ARIH1: variants seen among roughly 807,000 people sequenced by gnomAD.
ARIH1 encodes E3 ubiquitin-protein ligase ARIH1.
A neutral mutation model predicts 85.0 loss-of-function variants in ARIH1; 8 were observed. The ratio of observed to expected loss-of-function variants is 0.09; its 90% CI spans 0.06 to 0.17. ARIH1 has a LOEUF of 0.17. Ranked by LOEUF, ARIH1 falls within the 10% of genes least tolerant of loss-of-function variation. The probability of loss-of-function intolerance (pLI) is 1.00; values close to 1 mark genes in which losing one functional copy is unlikely to be tolerated. For missense variants in ARIH1, 311 were observed against 718.1 expected, an observed-to-expected ratio of 0.43 and a Z score of 6.48; for synonymous variants, 238 against 253.6, an observed-to-expected ratio of 0.94 and a Z score of 0.59.
chr15:72,601,179 G>A lies in ARIH1; in HGVS notation c.*17887G>A, dbSNP rs2064381019. 6.6e-6 allele frequency: 1 copy of A among 152,116 alleles called. No homozygotes were observed. Among genetic ancestry groups the A allele is most frequent in the South Asian group, 2.1e-4 (1 of 4,820 alleles). 9.4% of individuals were successfully genotyped at this position (152,116 alleles called of 1,614,324 possible). A position where few individuals can be genotyped will look rare whatever the true frequency, so the allele number is the denominator to read the frequency against. On this transcript the variant is annotated 3_prime_UTR_variant, in exon 14 of 14. Transcript: ENST00000379887. ...CTCCTTTGCCATCACACTAGTCCAAGTGAAGTGTTTCATCATCTCATTTGC... is the reference window on the plus strand; with the variant it reads ...CTCCTTTGCCATCACACTAGTCCAAATGAAGTGTTTCATCATCTCATTTGC...
Position 72,601,016 on chromosome 15 carries a change from C to A in ARIH1, c.*17724C>A, listed in dbSNP as rs1274245734. 4 of 152,252 alleles carry A rather than the reference C, an allele frequency of 2.6e-5. No homozygotes were observed. Among genetic ancestry groups the A allele is most frequent in the Non-Finnish European group, 4.4e-5 (3 of 68,058 alleles). The allele number at this position is 152,252 out of a possible 1,614,324, so 9.4% of individuals were successfully genotyped here. Reference sequence around the variant, plus strand: ...TTCAGTAATTGGCTGTACCACTCATCCAGCAGCTTTCAAAGTAAGAAACCT... The same window carrying A: ...TTCAGTAATTGGCTGTACCACTCATACAGCAGCTTTCAAAGTAAGAAACCT... On this transcript the variant is annotated 3_prime_UTR_variant, in exon 14 of 14. Transcript: ENST00000379887.
At position 72,592,810 on chromosome 15, in the gene ARIH1, A is replaced by G. The variant is rs1385512612; in HGVS notation, c.*9518A>G. ...CCACAATTTGTTTATTCATTCTCCT[A>G]TTGAAGGACCTTTAGGTTGTTTCCA... On this transcript the variant is annotated 3_prime_UTR_variant, in exon 14 of 14. Coordinates refer to ENST00000379887, the MANE Select transcript of ARIH1 (RefSeq NM_005744.5). 1 of 152,174 alleles carries G rather than the reference A, an allele frequency of 6.6e-6. No individual in the cohort carries two copies. Among genetic ancestry groups the G allele is most frequent in the Non-Finnish European group, 1.5e-5 (1 of 68,028 alleles). The allele number at this position is 152,174 out of a possible 1,614,324, so 9.4% of individuals were successfully genotyped here.
chr15:72,489,879 C>T (rs2063852084), intron 1 of ARIH1, among the ~76,000 whole-genome samples: 1 of 152,116 alleles, frequency 6.6e-6, no homozygotes, highest in African/African-American at 2.4e-5. Flanking sequence ...GCTTTGCCCT[C>T]CAAAGCAACC....
intron 1 of ARIH1, among the ~76,000 whole-genome samples, chr15:72,475,784 T>C (rs2063792657): frequency 6.6e-6 from 1 of 152,228 alleles, no homozygotes; most frequent in South Asian, 2.1e-4. Context: ...GACTCTATTG[T>C]GAGTTAGAAA....
In ARIH1 at chr15:72,567,250, A is replaced by G. The variant is rs930387819; in HGVS notation, c.1026+73A>G. The G allele has an allele frequency of 3.5e-5, 42 of 1,185,350 alleles. No homozygotes were observed. The African/African-American group carries it at 3.9e-4, about 11-fold the overall frequency. The allele number at this position is 1,185,350 out of a possible 1,614,324, so 73.4% of individuals were successfully genotyped here. A position where few individuals can be genotyped will look rare whatever the true frequency, so the allele number is the denominator to read the frequency against. On this transcript the variant is annotated intron_variant, in intron 9 of 13. Transcript: ENST00000379887. The stretch of plus-strand genomic sequence containing the variant: ...TGGTACTTTGGCATTAGCAAAAGCA[A>G]TGAGGTGACCTACTTACAGGCTTTG...
intron 1 of ARIH1, among the ~76,000 whole-genome samples, chr15:72,498,433 T>G (rs373373040): frequency 1.3e-5 from 2 of 152,232 alleles, no homozygotes; most frequent in African/African-American, 4.8e-5. Context: ...CACTCATATT[T>G]GTGTCTTCTT....
In ARIH1 at chr15:72,585,367, A is replaced by G. The variant is rs899741429; in HGVS notation, c.*2075A>G. On this transcript the variant is annotated 3_prime_UTR_variant, in exon 14 of 14. Transcript: ENST00000379887. ...ATCCATATGACATTATTTTACTTCA[A>G]ATGACAGCATCAATCTTAAAAAGAT... is the stretch of plus-strand genomic sequence containing the variant. The G allele has an allele frequency of 4.6e-5, 7 of 152,044 alleles. No individual in the cohort carries two copies. Among genetic ancestry groups the G allele is most frequent in the Non-Finnish European group, 1.0e-4 (7 of 68,016 alleles). 9.4% of individuals were successfully genotyped at this position (152,044 alleles called of 1,614,324 possible).
rs561994996 is a variant in ARIH1, at chr15:72,499,917, C to T, written c.376-18150C>T. On this transcript the variant is annotated intron_variant, in intron 1 of 13. Transcript: ENST00000379887. Reference sequence around the variant, plus strand: ...AATTTAACTCTCACAACACTTTTTTCCCCCCTGCAACACTCTTAGGCTGTT... The same window carrying T: ...AATTTAACTCTCACAACACTTTTTTTCCCCCTGCAACACTCTTAGGCTGTT... Among the ~76,000 whole-genome samples, 17 of 152,048 alleles carry T rather than the reference C, an allele frequency of 1.1e-4. No homozygotes were observed. The East Asian group carries it at 3.1e-3, about 28-fold the overall frequency.
chr15:72,585,518 G>T lies in ARIH1; in HGVS notation c.*2226G>T, dbSNP rs1212643864. On this transcript the variant is annotated 3_prime_UTR_variant, in exon 14 of 14. Coordinates refer to ENST00000379887, the MANE Select transcript of ARIH1 (RefSeq NM_005744.5). The stretch of plus-strand genomic sequence containing the variant: ...CTCCTTTAAAATGCTTTGTGTATGT[G>T]TGGTGTTTAAAAAAAAAAAATCTTA... 6.6e-6 allele frequency: 1 copy of T among 151,572 alleles called. No individual in the cohort carries two copies. The highest frequency in any genetic ancestry group is 2.4e-5 in the African/African-American group (1 of 41,046). 9.4% of individuals were successfully genotyped at this position (151,572 alleles called of 1,614,324 possible).
intron 9 of ARIH1, among the ~76,000 whole-genome samples, chr15:72,569,286 C>T (rs750247760): frequency 6.6e-6 from 1 of 151,932 alleles, no homozygotes; most frequent in Non-Finnish European, 1.5e-5. Flanking sequence ...CCAGCCTGGT[C>T]GACGGTGAGA....
At chr15:72,570,696 G>A (rs2064239921) in intron 10 of ARIH1, among the ~76,000 whole-genome samples, 1 of 152,212 alleles carries the variant, frequency 6.6e-6, no homozygotes, top group Admixed American at 6.5e-5. Flanking sequence ...AACCCAACCT[G>A]CAGGTGGTTT....
intron 10 of ARIH1, among the ~76,000 whole-genome samples, chr15:72,570,958 C>T (rs963993872): frequency 3.3e-5 from 5 of 151,604 alleles, no homozygotes; most frequent in African/African-American, 4.9e-5. Flanking sequence ...GGAGAAACCC[C>T]GTCTCTACTA....
chr15:72,506,351 C>CAAAAAA lies in ARIH1; in HGVS notation c.376-11707_376-11702dup, dbSNP rs71134002. Among the ~76,000 whole-genome samples, 281 of 73,068 alleles carry CAAAAAA rather than the reference C, an allele frequency of 3.8e-3. 7 individuals are homozygous for CAAAAAA. The highest frequency in any genetic ancestry group is 0.014 in the African/African-American group (269 of 19,318). 47.9% of individuals were successfully genotyped at this position (73,068 alleles called of 152,430 possible). A position where few individuals can be genotyped will look rare whatever the true frequency, so the allele number is the denominator to read the frequency against. On this transcript the variant is annotated intron_variant, in intron 1 of 13. Transcript: ENST00000379887. Reference sequence around the variant, plus strand: ...GGCGACAGAGCAAGACTCCGTCTCACAAAAAAAAAAAAAAGAAAAAAAAAA... The same window carrying CAAAAAA: ...GGCGACAGAGCAAGACTCCGTCTCACAAAAAAAAAAAAAAAAAAAAGAAAAAAAAAA...
intron 2 of ARIH1, 113 bp from the exon 3 acceptor site, chr15:72,544,707 T>G: frequency 1.0e-6 from 1 of 970,412 alleles, no homozygotes; most frequent in East Asian, 2.4e-5. Flanking sequence ...GGTTGTTATC[T>G]TGTTTTATTT....
At chr15:72,491,482 A>G (rs919831296) in intron 1 of ARIH1, among the ~76,000 whole-genome samples, 1 of 152,094 alleles carries the variant, frequency 6.6e-6, no homozygotes, top group African/African-American at 2.4e-5. Context: ...CAGTGTATTA[A>G]TTTTGGTATT....
intron 3 of ARIH1, among the ~76,000 whole-genome samples, chr15:72,551,444 T>G (rs7177472): frequency 0.77 from 117,484 of 151,976 alleles, 51,588 homozygotes; most frequent in Non-Finnish European, 0.96. Flanking sequence ...AAATAAGGTG[T>G]ATTATTTGAT....
At chr15:72,487,230 A>G (rs1391251517) in intron 1 of ARIH1, among the ~76,000 whole-genome samples, 1 of 152,178 alleles carries the variant, frequency 6.6e-6, no homozygotes, top group African/African-American at 2.4e-5. Flanking sequence ...CTTGTTACTG[A>G]GACATTTGCT....
rs182140634 is a variant in ARIH1, at chr15:72,582,211, A to G, written c.1589+24A>G. 1.6e-5 allele frequency: 24 copies of G among 1,543,034 alleles called. No homozygotes were observed. Among genetic ancestry groups the G allele is most frequent in the Non-Finnish European group, 9.8e-6 (11 of 1,121,148 alleles). ...AGGTAATTTTTTTTTAAGCTGTTGAATAAAACTTTCTGCCAGTGATGATCC... is the reference window on the plus strand; with the variant it reads ...AGGTAATTTTTTTTTAAGCTGTTGAGTAAAACTTTCTGCCAGTGATGATCC... On this transcript the variant is annotated intron_variant, in intron 13 of 13. Coordinates refer to ENST00000379887, the MANE Select transcript of ARIH1 (RefSeq NM_005744.5). The surrounding 1 kb of genome is among the most constrained non-coding windows in gnomAD (Gnocchi z 4.6).
intron 5 of ARIH1, among the ~76,000 whole-genome samples, chr15:72,557,592 C>T (rs190833569): frequency 2.3e-4 from 35 of 152,206 alleles, no homozygotes; most frequent in Admixed American, 2.0e-3. Context: ...GTTGCAGTTG[C>T]GTTTGGGGAC....
Sources: allele counts gnomAD v4.1 joint callset (sites outside exome capture counted in the v4.1 genomes callset), GRCh38; gene constraint gnomAD v4.1.1; non-coding constraint Gnocchi (gnomAD v3.1); transcripts MANE v1.5; gene names NCBI Gene and HGNC (gene_info 2026-07-23, HGNC 2026-07-21).